OPA1: variants seen among roughly 807,000 people sequenced by gnomAD.
OPA1 encodes dynamin-like GTPase OPA1, mitochondrial.
A neutral mutation model predicts 152.9 loss-of-function variants in OPA1; 59 were observed. The observed-to-expected ratio is 0.39, with a 90% CI of 0.31 to 0.48. The LOEUF (loss-of-function observed/expected upper bound fraction) is 0.48. OPA1 is among the 20% of genes least tolerant of loss of function. OPA1 has a pLI of 0.96. For synonymous variants in OPA1, 400 were observed against 389.9 expected (o/e 1.03, Z -0.31); for missense variants, 1,008 against 1,216.8 (o/e 0.83, Z 2.55).
Position 193,643,435 on chromosome 3 carries a change from T to G in OPA1, c.1368T>G (p.Gly456=), listed in dbSNP as rs1734080786. 3 of 1,609,170 alleles carry G rather than the reference T, an allele frequency of 1.9e-6. No individual in the cohort carries two copies. The highest frequency in any genetic ancestry group is 2.6e-6 in the Non-Finnish European group (3 of 1,175,564). ...LQRMVLVDLP[G]VINTVTSGMA... is the part of the protein sequence containing the mutation. ...GGATGGTGCTTGTTGACTTACCAGGTGTGATTAATGTAAGTATATACAAAA... is the reference window on the plus strand; with the variant it reads ...GGATGGTGCTTGTTGACTTACCAGGGGTGATTAATGTAAGTATATACAAAA... Residue 456 remains glycine (G), a synonymous_variant, in exon 14 of 31, where the codon GGT becomes GGG. Coordinates refer to ENST00000361510, the MANE Select transcript of OPA1 (RefSeq NM_130837.3).
In OPA1 at chr3:193,695,481, G is replaced by T. The variant is rs551606393; in HGVS notation, c.*881G>T. The T allele has an allele frequency of 3.9e-5, 6 of 152,126 alleles. No homozygotes were observed. The South Asian group carries it at 1.2e-3, about 32-fold the overall frequency. 9.4% of individuals were successfully genotyped at this position (152,126 alleles called of 1,614,324 possible). On this transcript the variant is annotated 3_prime_UTR_variant, in exon 31 of 31. Transcript: ENST00000361510. ...CATTTCAACTAGGTATCAGAAAAAG[G>T]CTTTCTTTCATAAGACTATTTTAAA...
At chr3:193,691,111 C>T (rs1215793539) in intron 29 of OPA1, among the ~76,000 whole-genome samples, 1 of 152,000 alleles carries the variant, frequency 6.6e-6, no homozygotes. Flanking sequence ...GTCTTAGCTA[C>T]GTGGGAGGCC....
intron 26 of OPA1, among the ~76,000 whole-genome samples, chr3:193,663,838 A>G (rs986195700): frequency 4.6e-5 from 7 of 152,172 alleles, no homozygotes; most frequent in Non-Finnish European, 1.0e-4. Context: ...AGCATTATTT[A>G]TATATTGAAA....
intron 9 of OPA1, among the ~76,000 whole-genome samples, chr3:193,636,321 A>T (rs561666017): frequency 2.8e-4 from 30 of 106,996 alleles, no homozygotes; most frequent in African/African-American, 1.0e-3. Flanking sequence ...AAGTGCTAAT[A>T]TATGTAGAGT....
chr3:193,685,200 G>A (rs1720771176), intron 29 of OPA1, among the ~76,000 whole-genome samples: 1 of 151,898 alleles, frequency 6.6e-6, no homozygotes, highest in African/African-American at 2.4e-5. Context: ...TACTCCGGAG[G>A]CTGAGGCAGA....
intron 29 of OPA1, among the ~76,000 whole-genome samples, chr3:193,688,062 T>C (rs1422416032): frequency 6.6e-6 from 1 of 152,196 alleles, no homozygotes; most frequent in Non-Finnish European, 1.5e-5. Context: ...CCAGGCTTGC[T>C]CTAGCTCTTC....
rs10804957 is a variant in OPA1 at position 193,666,184 on chromosome 3, A to G, written c.2779-112A>G. On this transcript the variant is annotated intron_variant, in intron 27 of 30. Transcript: ENST00000361510. The stretch of plus-strand genomic sequence containing the variant: ...ACAGTATATGCATTAGGTAAATCTG[A>G]GTACTTTTTAAGCTTAGGACATATC... 401,994 of 851,514 alleles carry G rather than the reference A, an allele frequency of 0.47. 96,451 individuals carry two copies. The highest frequency in any genetic ancestry group is 0.57 in the African/African-American group (34,029 of 60,108). 52.7% of individuals were successfully genotyped at this position (851,514 alleles called of 1,614,324 possible). A position where few individuals can be genotyped will look rare whatever the true frequency, so the allele number is the denominator to read the frequency against.
chr3:193,659,253 T>C (rs1025157391), intron 24 of OPA1, among the ~76,000 whole-genome samples: 2 of 152,358 alleles, frequency 1.3e-5, no homozygotes, highest in African/African-American at 4.8e-5. Context: ...TGTTCGCTAC[T>C]GTACTTATAG....
At chr3:193,615,588 A>T in intron 2 of OPA1, 86 bp from the exon 3 acceptor site, 1 of 825,634 alleles carries the variant, frequency 1.2e-6, no homozygotes, top group Non-Finnish European at 2.1e-6. Flanking sequence ...TTCTTAGTAG[A>T]TTAATGTGTT....
At position 193,642,960 on chromosome 3, in the gene OPA1, T is replaced by C. The variant is rs772423910; in HGVS notation, c.1231-15T>C. On this transcript the variant is annotated splice_polypyrimidine_tract_variant and intron_variant, in intron 12 of 30. Coordinates refer to ENST00000361510, the MANE Select transcript of OPA1 (RefSeq NM_130837.3). ...ATTTTCTTAGATTTTCTTAGGATTT[T>C]GTGTTTTCCATTAGCTTGCAGCATT... is the stretch of plus-strand genomic sequence containing the variant. 2 of 1,610,628 alleles carry C rather than the reference T, an allele frequency of 1.2e-6. No individual in the cohort carries two copies. The highest frequency in any genetic ancestry group is 2.7e-5 in the African/African-American group (2 of 74,876).
intron 1 of OPA1, among the ~76,000 whole-genome samples, chr3:193,601,582 T>C (rs1003346335): frequency 1.8e-4 from 28 of 152,300 alleles, no homozygotes; most frequent in African/African-American, 6.7e-4. Context: ...ATGGCCCCTT[T>C]GTAGTGTGTT....
At chr3:193,616,785 G>T (rs1320954151) in intron 3 of OPA1, among the ~76,000 whole-genome samples, 1 of 152,192 alleles carries the variant, frequency 6.6e-6, no homozygotes, top group Non-Finnish European at 1.5e-5. Flanking sequence ...TTAGGTGTAT[G>T]TGGAGGTGGA....
intron 1 of OPA1, among the ~76,000 whole-genome samples, chr3:193,596,028 A>G (rs1454621862): frequency 6.6e-6 from 1 of 152,140 alleles, no homozygotes; most frequent in Admixed American, 6.5e-5. Context: ...ATCTTAAAGG[A>G]TAAGATACAA....
intron 1 of OPA1, among the ~76,000 whole-genome samples, chr3:193,595,645 C>T (rs1036765641): frequency 7.2e-5 from 11 of 152,120 alleles, no homozygotes; most frequent in African/African-American, 2.4e-4. Flanking sequence ...TGACTTTATC[C>T]TTTATCCTAA....
intron 9 of OPA1, among the ~76,000 whole-genome samples, chr3:193,636,717 C>A (rs1363551994): frequency 7.2e-5 from 11 of 152,178 alleles, no homozygotes; most frequent in Admixed American, 5.2e-4. Flanking sequence ...ACCACCCTTA[C>A]TGGTTTAACA....
intron 1 of OPA1, among the ~76,000 whole-genome samples, chr3:193,596,409 TC>T (rs200625912): frequency 1.2e-4 from 17 of 147,098 alleles, no homozygotes; most frequent in South Asian, 2.2e-4. Flanking sequence ...TCTTTTCTTT[TC>T]TTTTCTTTTC....
intron 29 of OPA1, among the ~76,000 whole-genome samples, chr3:193,674,313 A>G (rs1718532448): frequency 1.3e-5 from 2 of 152,246 alleles, no homozygotes; most frequent in Admixed American, 6.5e-5. Flanking sequence ...AGTATAGGCT[A>G]TAGATGAAAG....
intron 29 of OPA1, among the ~76,000 whole-genome samples, chr3:193,669,801 C>G (rs1717521201): frequency 1.3e-5 from 2 of 152,152 alleles, no homozygotes; most frequent in South Asian, 4.1e-4. Context: ...CTCTCCGCTC[C>G]CAATTTGATT....
At chr3:193,670,612 C>T (rs1395111231) in intron 29 of OPA1, among the ~76,000 whole-genome samples, 5 of 152,174 alleles carry the variant, frequency 3.3e-5, no homozygotes, top group Admixed American at 6.5e-5. Flanking sequence ...ATGATCCGCC[C>T]GCCTCGGCCT....
Sources: gnomAD v4.1 joint callset for allele counts (sites outside exome capture counted in the v4.1 genomes callset) on GRCh38, gnomAD v4.1.1 for gene constraint, MANE v1.5 for transcripts, NCBI Gene and HGNC (gene_info 2026-07-23, HGNC 2026-07-21) for gene names.